Variants in DLGAP1 observed in about 807,000 individuals in gnomAD.
The protein encoded by DLGAP1 is disks large-associated protein 1.
Under a neutral mutation model 90.8 loss-of-function variants are expected in DLGAP1, and 11 were observed. The observed-to-expected ratio is 0.12, with a 90% CI of 0.08 to 0.20. The LOEUF (loss-of-function observed/expected upper bound fraction) is 0.20, where lower values mean the gene tolerates loss of function less well. DLGAP1 is among the 10% of genes least tolerant of loss of function. The probability of loss-of-function intolerance (pLI) is 1.00; values close to 1 mark genes in which losing one functional copy is unlikely to be tolerated. For missense variants in DLGAP1, 1,050 were observed against 1,333.8 expected (o/e 0.79, Z 3.31); for synonymous variants, 558 against 540.7 (o/e 1.03, Z -0.44).
chr18:4,313,634 G>C (rs953327831), intron 1 of DLGAP1, among the ~76,000 whole-genome samples: 3 of 152,094 alleles, frequency 2.0e-5, no homozygotes, highest in African/African-American at 4.8e-5. Flanking sequence ...AATAGGCTCT[G>C]GCTTAGCAGC....
chr18:4,135,271 G>C (rs774050717), intron 2 of DLGAP1, among the ~76,000 whole-genome samples: 3 of 152,000 alleles, frequency 2.0e-5, no homozygotes, highest in Non-Finnish European at 2.9e-5. Context: ...AGTAGAAGAG[G>C]GGGGAGCAGA....
At chr18:3,654,666 C>G (rs2059421305) in intron 7 of DLGAP1, 1 of 152,146 alleles carries the variant, frequency 6.6e-6, no homozygotes. Context: ...TCTCATGGTG[C>G]TGCTTGATTT....
At chr18:4,106,523 T>G (rs953862366) in intron 2 of DLGAP1, among the ~76,000 whole-genome samples, 1 of 152,220 alleles carries the variant, frequency 6.6e-6, no homozygotes, top group Non-Finnish European at 1.5e-5. Context: ...CTGTTTTAAC[T>G]GTGCAGGTCA....
chr18:4,076,955 A>G (rs1323386397), intron 2 of DLGAP1, among the ~76,000 whole-genome samples: 1 of 152,006 alleles, frequency 6.6e-6, no homozygotes, highest in East Asian at 1.9e-4. Flanking sequence ...ATTTGTTATT[A>G]TATGTTAAGT....
intron 7 of DLGAP1, among the ~76,000 whole-genome samples, chr18:3,588,979 C>T (rs953260514): frequency 6.6e-6 from 1 of 151,862 alleles, no homozygotes; most frequent in Non-Finnish European, 1.5e-5. Flanking sequence ...GTCGCGAGTT[C>T]GAAACCAGCC....
chr18:4,336,944 CA>C (rs78000211), intron 1 of DLGAP1, among the ~76,000 whole-genome samples: 21,459 of 117,726 alleles, frequency 0.18, 2,034 homozygotes, highest in East Asian at 0.4. Context: ...ACTGAAAATA[CA>C]AAAAAAAAAA....
Position 3,613,029 on chromosome 18 carries a change from G to T in DLGAP1, c.1592-30781C>A, listed in dbSNP as rs550525595. Among the ~76,000 whole-genome samples the T allele has an allele frequency of 2.6e-5, 4 of 152,174 alleles. 1 individual carries two copies. In the East Asian group the frequency reaches 7.7e-4, roughly 29 times the overall value. On this transcript the variant is annotated intron_variant, in intron 7 of 12. Transcript: ENST00000315677. ...CTAATTTTTTTGTATTTTTAGTAGA[G>T]ATGGGGTTTCACCATGTTGGTTAGT...
At chr18:3,885,134 G>A (rs938190961) in intron 3 of DLGAP1, among the ~76,000 whole-genome samples, 2 of 152,160 alleles carry the variant, frequency 1.3e-5, no homozygotes, top group African/African-American at 4.8e-5. Context: ...CTACTATGGA[G>A]GTCCTGCTCT....
At chr18:3,934,190 T>G (rs1334350672) in intron 3 of DLGAP1, among the ~76,000 whole-genome samples, 2 of 152,206 alleles carry the variant, frequency 1.3e-5, no homozygotes, top group African/African-American at 4.8e-5. Context: ...TTCATTCATT[T>G]TAATTAGTGA....
At chr18:4,363,310 A>G (rs1439674847) in intron 1 of DLGAP1, among the ~76,000 whole-genome samples, 3 of 152,294 alleles carry the variant, frequency 2.0e-5, no homozygotes, top group Middle Eastern at 3.4e-3. Flanking sequence ...AGGAAATAAA[A>G]AGCTGGGGCA....
intron 3 of DLGAP1, among the ~76,000 whole-genome samples, chr18:3,934,826 G>A (rs571989207): frequency 1.3e-5 from 2 of 152,382 alleles, no homozygotes; most frequent in African/African-American, 4.8e-5. Flanking sequence ...TCATGGAGCA[G>A]TGACTACACA....
chr18:3,880,722 C>A (rs1043730717), intron 3 of DLGAP1, among the ~76,000 whole-genome samples: 2 of 151,872 alleles, frequency 1.3e-5, no homozygotes, highest in Admixed American at 6.6e-5. Context: ...GAGGGCGGAT[C>A]ACCTGAGGTC....
chr18:3,930,013 G>A (rs2072481033), intron 3 of DLGAP1, among the ~76,000 whole-genome samples: 1 of 152,190 alleles, frequency 6.6e-6, no homozygotes, highest in African/African-American at 2.4e-5. Flanking sequence ...GTGTCACCAG[G>A]CAGTGTATAA....
rs374309855 is a variant in DLGAP1, at chr18:4,002,003, T to G, written c.-73+3113A>C. 1.5e-4 allele frequency among the ~76,000 whole-genome samples: 23 copies of G among 150,056 alleles called. 2 individuals are homozygous for G. Among genetic ancestry groups the G allele is most frequent in the African/African-American group, 4.0e-4 (16 of 40,450 alleles). On this transcript the variant is annotated intron_variant, in intron 3 of 12. Transcript: ENST00000315677. ...TGTGTTGAAGACACTGTACAGGTCT[T>G]AATCTCACCAGTAGTTTATTACAAC...
At chr18:3,826,224 A>G (rs1237596305) in intron 4 of DLGAP1, among the ~76,000 whole-genome samples, 1 of 152,208 alleles carries the variant, frequency 6.6e-6, no homozygotes, top group Non-Finnish European at 1.5e-5. Flanking sequence ...TCTCAGTGTT[A>G]TGCAATCTAT....
intron 2 of DLGAP1, among the ~76,000 whole-genome samples, chr18:4,031,817 A>C (rs1259113053): frequency 6.6e-6 from 1 of 152,256 alleles, no homozygotes; most frequent in Non-Finnish European, 1.5e-5. Context: ...TACTGACAAG[A>C]AAATAGTGCT....
chr18:3,981,815 T>C (rs1294293904), intron 3 of DLGAP1, among the ~76,000 whole-genome samples: 1 of 152,186 alleles, frequency 6.6e-6, no homozygotes, highest in African/African-American at 2.4e-5. Flanking sequence ...ATATGAAATA[T>C]AGTGATGGAT....
chr18:3,900,794 G>A (rs375832407), intron 3 of DLGAP1, among the ~76,000 whole-genome samples: 2 of 152,118 alleles, frequency 1.3e-5, no homozygotes, highest in East Asian at 1.9e-4. Context: ...ACAGAATCCC[G>A]CCTTTGGATA....
chr18:4,263,482 A>G (rs1186613311), intron 1 of DLGAP1, among the ~76,000 whole-genome samples: 1 of 152,188 alleles, frequency 6.6e-6, no homozygotes, highest in Non-Finnish European at 1.5e-5. Flanking sequence ...AAAATGCATA[A>G]TTTAAGAAAT....
Sources: gnomAD v4.1 joint callset for allele counts (sites outside exome capture counted in the v4.1 genomes callset) on GRCh38, gnomAD v4.1.1 for gene constraint, MANE v1.5 for transcripts, NCBI Gene and HGNC (gene_info 2026-07-23, HGNC 2026-07-21) for gene names.